The following AGBL1 variants were observed in gnomAD, a reference collection of about 807,000 sequenced individuals.
The protein encoded by AGBL1 is AGBL carboxypeptidase 1.
Under a neutral mutation model 118.9 loss-of-function variants are expected in AGBL1, and 130 were observed. The observed-to-expected ratio is 1.09, with a 90% CI of 0.95 to 1.26. The LOEUF is 1.26. Ranked by LOEUF, AGBL1 falls within the 50% of genes most tolerant of loss-of-function variation. The pLI is 0.00. For synonymous variants in AGBL1, 555 were observed against 478.9 expected, an observed-to-expected ratio of 1.16 and a Z score of -2.08; for missense variants, 1,584 against 1,298.1, an observed-to-expected ratio of 1.22 and a Z score of -3.38.
At chr15:86,944,145 C>T (rs549392883) in intron 23 of AGBL1, among the ~76,000 whole-genome samples, 11 of 151,860 alleles carry the variant, frequency 7.2e-5, no homozygotes, top group Non-Finnish European at 1.3e-4. Flanking sequence ...CTGAGGCGGG[C>T]GGATCACCTG....
chr15:86,331,464 A>G (rs2080267617), intron 17 of AGBL1, among the ~76,000 whole-genome samples: 1 of 152,136 alleles, frequency 6.6e-6, no homozygotes, highest in Admixed American at 6.5e-5. Flanking sequence ...GACCTGCAAG[A>G]TGCTACAATG....
chr15:86,092,785 G>A (rs1896119139), intron 1 of AGBL1, among the ~76,000 whole-genome samples: 1 of 152,046 alleles, frequency 6.6e-6, no homozygotes, highest in Non-Finnish European at 1.5e-5. Flanking sequence ...CAAAGAGAGG[G>A]AGAGTGAGAG....
chr15:86,149,241 G>C (rs1220027285), intron 3 of AGBL1, among the ~76,000 whole-genome samples: 1 of 152,096 alleles, frequency 6.6e-6, no homozygotes, highest in African/African-American at 2.4e-5. Context: ...ATAACCAGCT[G>C]ACATGATAAC....
chr15:86,983,577 T>C (rs2081251874), intron 23 of AGBL1, among the ~76,000 whole-genome samples: 1 of 152,328 alleles, frequency 6.6e-6, no homozygotes, highest in Non-Finnish European at 1.5e-5. Flanking sequence ...ATGCAATAAA[T>C]GCATACATTT....
chr15:86,254,524 A>G (rs1459483057), intron 7 of AGBL1, among the ~76,000 whole-genome samples: 2 of 152,238 alleles, frequency 1.3e-5, no homozygotes, highest in Non-Finnish European at 2.9e-5. Flanking sequence ...GTTAACTGTG[A>G]CGGAAGCATT....
chr15:86,598,402 A>T (rs976303612), intron 21 of AGBL1, among the ~76,000 whole-genome samples: 2 of 152,106 alleles, frequency 1.3e-5, no homozygotes, highest in African/African-American at 4.8e-5. Context: ...GACCTTAGTG[A>T]TCTAAGTAGC....
chr15:86,781,385 C>T (rs913479716), intron 22 of AGBL1, among the ~76,000 whole-genome samples: 4 of 152,074 alleles, frequency 2.6e-5, no homozygotes, highest in Non-Finnish European at 5.9e-5. Context: ...TTATAGGTTT[C>T]CCTTAATATT....
intron 23 of AGBL1, among the ~76,000 whole-genome samples, chr15:86,926,712 A>G (rs901073118): frequency 6.6e-6 from 1 of 152,228 alleles, no homozygotes; most frequent in African/African-American, 2.4e-5. Flanking sequence ...CTAATAATAG[A>G]AATAGAGGTA....
intron 21 of AGBL1, among the ~76,000 whole-genome samples, chr15:86,625,378 TGTTTTTG>T (rs1240476138): frequency 0.045 from 1,796 of 40,260 alleles, 311 homozygotes; most frequent in Non-Finnish European, 0.059. Flanking sequence ...TTTTTTTTTT[TGTTTTTG>T]TTTTTTTTTT....
At chr15:86,598,861 G>A (rs950961191) in intron 21 of AGBL1, among the ~76,000 whole-genome samples, 1 of 152,170 alleles carries the variant, frequency 6.6e-6, no homozygotes, top group Non-Finnish European at 1.5e-5. Flanking sequence ...AATTGTCAAT[G>A]TAAGGATGAA....
At chr15:86,312,527 G>T (rs143746442) in intron 17 of AGBL1, 1 of 152,234 alleles carries the variant, frequency 6.6e-6, no homozygotes, top group Non-Finnish European at 1.5e-5. Context: ...GCAACTGTGC[G>T]CATTGTTGCC....
chr15:86,959,314 C>T lies in AGBL1; in HGVS notation c.3222-28673C>T, dbSNP rs151043350. On this transcript the variant is annotated intron_variant, in intron 23 of 24. Coordinates refer to the AGBL1 transcript ENST00000441037. ...AAAAAATTAAATCTACTTATACAAA[C>T]ACAATAAAATGAGTAGTTCAACATC... Among the ~76,000 whole-genome samples the T allele has an allele frequency of 1.9e-3, 282 of 152,130 alleles. 1 individual carries two copies. Among genetic ancestry groups the T allele is most frequent in the African/African-American group, 6.5e-3 (272 of 41,548 alleles).
intron 3 of AGBL1, among the ~76,000 whole-genome samples, chr15:86,149,246 G>A: frequency 6.6e-6 from 1 of 152,226 alleles, no homozygotes; most frequent in Non-Finnish European, 1.5e-5. Context: ...CAGCTGACAT[G>A]ATAACGACAG....
At chr15:86,199,528 G>A (rs1479815267) in intron 5 of AGBL1, among the ~76,000 whole-genome samples, 3 of 152,214 alleles carry the variant, frequency 2.0e-5, no homozygotes, top group Admixed American at 6.5e-5. Flanking sequence ...GATGGTCCCC[G>A]TCTGGTCCTC....
rs572319166 is a variant in AGBL1 at position 86,474,886 on chromosome 15, G to A, written c.2556-47924G>A. On this transcript the variant is annotated intron_variant, in intron 18 of 22. Transcript: ENST00000614907. ...CCCCTCTGAGACGAAGCTTTCAGAG[G>A]AATGATCAGGCAGCAACATTTGCTG... 1.3e-4 allele frequency among the ~76,000 whole-genome samples: 20 copies of A among 152,346 alleles called. No homozygotes were observed. The South Asian group carries it at 4.1e-3, about 32-fold the overall frequency.
At chr15:86,541,414 A>G (rs1418205211) in intron 19 of AGBL1, among the ~76,000 whole-genome samples, 3 of 152,074 alleles carry the variant, frequency 2.0e-5, no homozygotes, top group Non-Finnish European at 4.4e-5. Context: ...ACAGAGGGAT[A>G]TCCTGTCTCT....
chr15:86,661,045 C>T (rs2085529412), intron 21 of AGBL1, among the ~76,000 whole-genome samples: 1 of 152,136 alleles, frequency 6.6e-6, no homozygotes, highest in Admixed American at 6.6e-5. Flanking sequence ...GCTACACCTG[C>T]TTAGCTCTTT....
At chr15:86,135,399 C>T (rs1597440728) in intron 1 of AGBL1, among the ~76,000 whole-genome samples, 1 of 152,182 alleles carries the variant, frequency 6.6e-6, no homozygotes, top group East Asian at 1.9e-4. Flanking sequence ...TAAAAAATAA[C>T]AACACAAAAG....
chr15:86,633,689 T>C lies in AGBL1; in HGVS notation c.2995-40584T>C, dbSNP rs550867701. ...AAAATGTTAGAACTTCTGTCTTATA[T>C]TTCAAACATATTTTAGGGGATGTTT... On this transcript the variant is annotated intron_variant, in intron 21 of 22. Transcript: ENST00000614907. Among the ~76,000 whole-genome samples, 98 of 151,016 alleles carry C rather than the reference T, an allele frequency of 6.5e-4. 1 individual carries two copies. The highest frequency in any genetic ancestry group is 6.9e-3 in the Middle Eastern group (2 of 288).
Sources: allele counts gnomAD v4.1 joint callset (sites outside exome capture counted in the v4.1 genomes callset), GRCh38; gene constraint gnomAD v4.1.1; transcripts MANE v1.5; gene names NCBI Gene and HGNC (gene_info 2026-07-23, HGNC 2026-07-21).